EML6: variants seen among roughly 807,000 people sequenced by gnomAD.
The protein encoded by EML6 is echinoderm microtubule-associated protein-like 6.
In EML6, 154 loss-of-function variants were observed where a neutral mutation model predicts 240.1. The ratio of observed to expected loss-of-function variants is 0.64; its 90% CI spans 0.56 to 0.73. The LOEUF (loss-of-function observed/expected upper bound fraction) is 0.73, where lower values mean the gene tolerates loss of function less well. EML6 is among the 30% of genes least tolerant of loss of function. EML6 has a pLI of 0.00. For synonymous variants in EML6, 1,148 were observed against 899.0 expected (o/e 1.28, Z -4.95); for missense variants, 2,964 against 2,474.6 (o/e 1.20, Z -4.20).
intron 15 of EML6, among the ~76,000 whole-genome samples, chr2:54,870,791 G>A (rs1165974634): frequency 6.6e-6 from 1 of 152,140 alleles, no homozygotes; most frequent in Non-Finnish European, 1.5e-5. Flanking sequence ...CCACCTGCAG[G>A]AGACTGGGCC....
At chr2:54,927,168 C>A (rs1329163442) in intron 26 of EML6, among the ~76,000 whole-genome samples, 1 of 152,188 alleles carries the variant, frequency 6.6e-6, no homozygotes, top group Non-Finnish European at 1.5e-5. Context: ...ATCCTACCTG[C>A]CTGTTTGCTT....
chr2:54,950,844 T>G (rs1159491109), intron 30 of EML6, 65 bp downstream of exon 30: 4 of 1,477,994 alleles, frequency 2.7e-6, no homozygotes, highest in Non-Finnish European at 2.7e-6. Context: ...TCCCCACTCT[T>G]TAGATGCCCA....
intron 3 of EML6, among the ~76,000 whole-genome samples, chr2:54,815,764 C>G (rs762085324): frequency 6.6e-6 from 1 of 152,190 alleles, no homozygotes; most frequent in Non-Finnish European, 1.5e-5. Flanking sequence ...TGAAGAATCC[C>G]TGCATAACAG....
chr2:54,929,775 G>A (rs1251396150), intron 28 of EML6, among the ~76,000 whole-genome samples: 1 of 151,888 alleles, frequency 6.6e-6, no homozygotes, highest in African/African-American at 2.4e-5. Context: ...TAAATGGTGG[G>A]TGTGCTACTG....
In EML6 at chr2:54,957,804, A is replaced by T; in HGVS notation, c.4501A>T (p.Ser1501Cys). Residue 1501 changes from serine (S) to cysteine (C), a missense_variant, in exon 33 of 42, where the codon AGC becomes TGC. Transcript: ENST00000356458. ...CACCCACACAGGTGCCAAGGTTGCCAGCCGAGGGGGTCACCTGGAGCGCAT... is the reference window on the plus strand; with the variant it reads ...CACCCACACAGGTGCCAAGGTTGCCTGCCGAGGGGGTCACCTGGAGCGCAT... ...WRWQEGAKVASRGGHLERIFV... is the reference protein window; with the variant it reads ...WRWQEGAKVACRGGHLERIFV... The T allele has an allele frequency of 6.5e-7, 1 of 1,549,896 alleles. No homozygotes were observed. The highest frequency in any genetic ancestry group is 8.7e-7 in the Non-Finnish European group (1 of 1,146,996).
At chr2:54,751,518 A>C (rs994253023) in intron 2 of EML6, among the ~76,000 whole-genome samples, 1 of 152,192 alleles carries the variant, frequency 6.6e-6, no homozygotes, top group Non-Finnish European at 1.5e-5. Context: ...AAATAGGATA[A>C]GTTTAAAGGA....
intron 18 of EML6, among the ~76,000 whole-genome samples, chr2:54,891,380 G>C (rs1490565726): frequency 6.6e-6 from 1 of 152,184 alleles, no homozygotes; most frequent in African/African-American, 2.4e-5. Flanking sequence ...AAAATGTTCT[G>C]CTGTGAAAAT....
In EML6 at chr2:54,839,620, C is replaced by T. The variant is rs181166505; in HGVS notation, c.848-4427C>T. ...TAATCCTTGCTAAGCTCCGCCTTTA[C>T]GTTGGTTAGTTCAGTGGAACCCTTT... On this transcript the variant is annotated intron_variant, in intron 7 of 41. Transcript: ENST00000356458. 9.2e-5 allele frequency among the ~76,000 whole-genome samples: 14 copies of T among 152,330 alleles called. No homozygotes were observed. In the East Asian group the frequency reaches 2.3e-3, roughly 25 times the overall value.
chr2:54,927,871 T>C (rs1674639280), intron 26 of EML6, among the ~76,000 whole-genome samples: 1 of 152,260 alleles, frequency 6.6e-6, no homozygotes, highest in Non-Finnish European at 1.5e-5. Flanking sequence ...GTTTATAAGA[T>C]ATCCTTTGCT....
At chr2:54,789,703 C>T (rs1669322485) in intron 2 of EML6, among the ~76,000 whole-genome samples, 1 of 152,050 alleles carries the variant, frequency 6.6e-6, no homozygotes, top group Non-Finnish European at 1.5e-5. Context: ...TTAATTATAT[C>T]CTCATGATAT....
intron 13 of EML6, among the ~76,000 whole-genome samples, chr2:54,864,828 T>G (rs1242198404): frequency 6.6e-6 from 1 of 152,198 alleles, no homozygotes; most frequent in Non-Finnish European, 1.5e-5. Context: ...AGCATTAAAT[T>G]GGAATATTTT....
At chr2:54,729,290 G>C (rs1217294176) in intron 2 of EML6, among the ~76,000 whole-genome samples, 2 of 152,192 alleles carry the variant, frequency 1.3e-5, no homozygotes, top group African/African-American at 4.8e-5. Context: ...CAGATGAAGG[G>C]GCACCTTGCA....
At chr2:54,871,401 G>A in intron 15 of EML6, 99 bp from the exon 16 acceptor site, 1 of 853,708 alleles carries the variant, frequency 1.2e-6, no homozygotes, top group South Asian at 1.5e-5. Context: ...TTCTCCAAAT[G>A]GGTTTATCTT....
intron 2 of EML6, among the ~76,000 whole-genome samples, chr2:54,741,888 G>A (rs375232922): frequency 1.3e-5 from 2 of 152,322 alleles, no homozygotes; most frequent in South Asian, 4.1e-4. Context: ...GAATGATGGA[G>A]TTAGAAAACC....
chr2:54,802,396 C>T (rs148365314), intron 2 of EML6, among the ~76,000 whole-genome samples: 22 of 152,186 alleles, frequency 1.4e-4, no homozygotes, highest in South Asian at 1.0e-3. Flanking sequence ...GAGGCTGAGG[C>T]GGGCAGATCG....
intron 5 of EML6, 76 bp from the exon 6 acceptor site, chr2:54,827,490 T>C (rs1668652316): frequency 8.2e-7 from 1 of 1,224,046 alleles, no homozygotes; most frequent in Non-Finnish European, 1.2e-6. Flanking sequence ...TGAAATGCAC[T>C]GAAGTATAAA....
At chr2:54,947,191 G>GA (rs1289274874) in intron 28 of EML6, among the ~76,000 whole-genome samples, 1 of 152,130 alleles carries the variant, frequency 6.6e-6, no homozygotes, top group Non-Finnish European at 1.5e-5. Context: ...TTAGGTGAAA[G>GA]AAGAAACCCA....
chr2:54,885,514 G>C (rs1672078835), intron 17 of EML6, among the ~76,000 whole-genome samples: 2 of 152,028 alleles, frequency 1.3e-5, no homozygotes, highest in Admixed American at 6.6e-5. Context: ...TCTTCTCTTG[G>C]TGTTAAACAC....
intron 19 of EML6, 53 bp from the exon 20 acceptor site, chr2:54,894,862 G>C (rs989301708): frequency 3.9e-5 from 50 of 1,271,138 alleles, no homozygotes; most frequent in Non-Finnish European, 5.6e-5. Flanking sequence ...GGGCCAAGTG[G>C]GTAATTGGTC....
Sources: gnomAD v4.1 joint callset for allele counts (sites outside exome capture counted in the v4.1 genomes callset) on GRCh38, gnomAD v4.1.1 for gene constraint, MANE v1.5 for transcripts, NCBI Gene and HGNC (gene_info 2026-07-23, HGNC 2026-07-21) for gene names.